MDFIC2: variants seen among roughly 807,000 people sequenced by gnomAD.
The protein encoded by MDFIC2 is MyoD family inhibitor domain containing 2.
In MDFIC2 at chr3:70,213,440, A is replaced by T. The variant is rs910989841; in HGVS notation, c.89-6650T>A. Among the ~76,000 whole-genome samples the T allele has an allele frequency of 1.3e-5, 2 of 152,076 alleles. 1 individual carries two copies. The highest frequency in any genetic ancestry group is 1.3e-4 in the Admixed American group (2 of 15,248). ...ATGAGTGTATATTTCAAACGTATAG[A>T]CCATTTTTTAAGCTATAATGGTGAA... is the stretch of plus-strand genomic sequence containing the variant. On this transcript the variant is annotated intron_variant, in intron 2 of 3. Coordinates refer to ENST00000567252, the MANE Select transcript of MDFIC2 (RefSeq NM_001364677.1).
At position 70,194,690 on chromosome 3, in the gene MDFIC2, A is replaced by G. The variant is rs978231122; in HGVS notation, c.*2236T>C. On this transcript the variant is annotated 3_prime_UTR_variant, in exon 4 of 4. Transcript: ENST00000567252. ...GTGATTTTTATGTCTCTAATTGACA[A>G]GCATTCAATTCACATTTGAAATGCA... is the stretch of plus-strand genomic sequence containing the variant. Among the ~76,000 whole-genome samples, 16 of 152,328 alleles carry G rather than the reference A, an allele frequency of 1.1e-4. No individual in the cohort carries two copies. Among genetic ancestry groups the G allele is most frequent in the South Asian group, 4.1e-4 (2 of 4,830 alleles).
intron 2 of MDFIC2, among the ~76,000 whole-genome samples, chr3:70,266,529 A>C (rs1701918377): frequency 6.6e-6 from 1 of 152,102 alleles, no homozygotes; most frequent in Admixed American, 6.5e-5. Flanking sequence ...CAAGTGATCC[A>C]GAGTCCTGCC....
intron 2 of MDFIC2, among the ~76,000 whole-genome samples, chr3:70,290,645 G>A (rs1702226986): frequency 6.6e-6 from 1 of 152,188 alleles, no homozygotes; most frequent in Admixed American, 6.5e-5. Flanking sequence ...AATGGCGGGC[G>A]CCCCTCCCCT....
intron 2 of MDFIC2, among the ~76,000 whole-genome samples, chr3:70,269,014 A>C (rs1437879734): frequency 2.0e-5 from 3 of 152,128 alleles, no homozygotes; most frequent in African/African-American, 7.2e-5. Flanking sequence ...TAAAAAAAGA[A>C]ATAGAAAAGA....
At position 70,302,228 on chromosome 3, in the gene MDFIC2, A is replaced by G. The variant is rs527430073; in HGVS notation, c.88+9658T>C. On this transcript the variant is annotated intron_variant, in intron 2 of 3. Coordinates refer to ENST00000567252, the MANE Select transcript of MDFIC2 (RefSeq NM_001364677.1). Reference sequence around the variant, plus strand: ...TTTATGCCTGTAGAGTGATGTCTTCATTTGCTCTGTTCACATTCCTTTTTT... The same window carrying G: ...TTTATGCCTGTAGAGTGATGTCTTCGTTTGCTCTGTTCACATTCCTTTTTT... Among the ~76,000 whole-genome samples the G allele has an allele frequency of 6.6e-5, 10 of 152,182 alleles. No homozygotes were observed. The South Asian group carries it at 2.1e-3, about 32-fold the overall frequency.
intron 2 of MDFIC2, among the ~76,000 whole-genome samples, chr3:70,214,734 C>T (rs766686462): frequency 5.9e-5 from 9 of 151,364 alleles, no homozygotes; most frequent in Non-Finnish European, 1.2e-4. Flanking sequence ...AAGCTGGTAA[C>T]GAGGAACAAT....
intron 2 of MDFIC2, among the ~76,000 whole-genome samples, chr3:70,218,965 A>G (rs1455026103): frequency 6.6e-6 from 1 of 151,328 alleles, no homozygotes; most frequent in Admixed American, 6.6e-5. Flanking sequence ...TAACAGGACA[A>G]TTTTATGAAG....
At chr3:70,308,028 A>G (rs1158944336) in intron 2 of MDFIC2, among the ~76,000 whole-genome samples, 1 of 152,036 alleles carries the variant, frequency 6.6e-6, no homozygotes, top group Non-Finnish European at 1.5e-5. Context: ...AGTTTGCATA[A>G]TGCAGCTCAT....
At chr3:70,237,027 C>G (rs965881671) in intron 2 of MDFIC2, among the ~76,000 whole-genome samples, 23 of 152,182 alleles carry the variant, frequency 1.5e-4, no homozygotes, top group Admixed American at 4.6e-4. Flanking sequence ...CACTTCATTA[C>G]TGCAGCTTGC....
chr3:70,286,299 C>T (rs1484302157), intron 2 of MDFIC2, among the ~76,000 whole-genome samples: 5 of 152,092 alleles, frequency 3.3e-5, no homozygotes, highest in Admixed American at 6.5e-5. Context: ...TTCCCAGCAC[C>T]GTTTATTAAA....
At chr3:70,219,395 GT>G (rs1373342735) in intron 2 of MDFIC2, among the ~76,000 whole-genome samples, 1 of 152,098 alleles carries the variant, frequency 6.6e-6, no homozygotes, top group African/African-American at 2.4e-5. Flanking sequence ...AGGCTGTTAA[GT>G]TTTTTTAGAG....
intron 2 of MDFIC2, among the ~76,000 whole-genome samples, chr3:70,261,514 T>C (rs1450745148): frequency 6.6e-6 from 1 of 152,160 alleles, no homozygotes; most frequent in Non-Finnish European, 1.5e-5. Flanking sequence ...AATAATTACA[T>C]TTCAATTTCC....
At chr3:70,246,196 A>G (rs913332968) in intron 2 of MDFIC2, among the ~76,000 whole-genome samples, 2 of 152,072 alleles carry the variant, frequency 1.3e-5, no homozygotes, top group African/African-American at 4.8e-5. Flanking sequence ...TTCTTGGAAT[A>G]GTACATCACC....
At chr3:70,288,815 G>A (rs1487394815) in intron 2 of MDFIC2, among the ~76,000 whole-genome samples, 1 of 151,622 alleles carries the variant, frequency 6.6e-6, no homozygotes, top group African/African-American at 2.4e-5. Context: ...ATTATGTAAT[G>A]GCCTTCTTTG....
At position 70,196,285 on chromosome 3, in the gene MDFIC2, T is replaced by C. The variant is rs1701178956; in HGVS notation, c.*641A>G. Among the ~76,000 whole-genome samples the C allele has an allele frequency of 6.6e-6, 1 of 152,206 alleles. No homozygotes were observed. The highest frequency in any genetic ancestry group is 2.4e-5 in the African/African-American group (1 of 41,456). ...ATAATATGGTCTAGAATTATAGTAC[T>C]CTCTTGAAGTACACCATATTCAAAA... On this transcript the variant is annotated 3_prime_UTR_variant, in exon 4 of 4. Transcript: ENST00000567252.
chr3:70,240,637 A>G (rs753038052), intron 2 of MDFIC2, among the ~76,000 whole-genome samples: 6 of 152,114 alleles, frequency 3.9e-5, no homozygotes, highest in Admixed American at 1.3e-4. Flanking sequence ...AGCGTCAATT[A>G]TAAGTACTTA....
intron 2 of MDFIC2, chr3:70,249,550 T>G (rs1248584221): frequency 1.3e-5 from 2 of 152,132 alleles, no homozygotes; most frequent in East Asian, 3.9e-4. Flanking sequence ...TGCCTGCCCC[T>G]TTAGGTCTAA....
intron 2 of MDFIC2, among the ~76,000 whole-genome samples, chr3:70,292,682 G>A (rs893830830): frequency 2.0e-5 from 3 of 151,892 alleles, no homozygotes; most frequent in African/African-American, 7.3e-5. Flanking sequence ...ATTTCCAAAT[G>A]TTTTCTCTTT....
At chr3:70,226,682 G>A (rs1400035852) in intron 2 of MDFIC2, among the ~76,000 whole-genome samples, 1 of 149,388 alleles carries the variant, frequency 6.7e-6, no homozygotes, top group Non-Finnish European at 1.5e-5. Flanking sequence ...AGGTTGCAGT[G>A]AGCCGATATC....
Sources: gnomAD v4.1 joint callset for allele counts (sites outside exome capture counted in the v4.1 genomes callset) on GRCh38, gnomAD v4.1.1 for gene constraint, MANE v1.5 for transcripts, NCBI Gene and HGNC (gene_info 2026-07-23, HGNC 2026-07-21) for gene names.